ABLIM1: variants seen among roughly 807,000 people sequenced by gnomAD.
The protein encoded by ABLIM1 is actin-binding LIM protein 1.
Under a neutral mutation model 107.0 loss-of-function variants are expected in ABLIM1, and 40 were observed. The ratio of observed to expected loss-of-function variants is 0.37; its 90% CI spans 0.29 to 0.49. ABLIM1 has a LOEUF of 0.49. Among genes scored for constraint, ABLIM1 ranks in the 20% least tolerant of loss-of-function variants. The pLI is 0.97. For synonymous variants in ABLIM1, 357 were observed against 357.3 expected, an observed-to-expected ratio of 1.00 and a Z score of 0.01; for missense variants, 857 against 1,008.5, an observed-to-expected ratio of 0.85 and a Z score of 2.04.
At chr10:114,692,468 C>A (rs1185597566) in intron 1 of ABLIM1, among the ~76,000 whole-genome samples, 1 of 152,318 alleles carries the variant, frequency 6.6e-6, no homozygotes, top group East Asian at 1.9e-4. Flanking sequence ...CAAACAAAAC[C>A]TTTCTACTCT....
At chr10:114,711,528 T>C (rs2081547121) in intron 1 of ABLIM1, among the ~76,000 whole-genome samples, 1 of 152,180 alleles carries the variant, frequency 6.6e-6, no homozygotes. Flanking sequence ...GCCAGAGTCT[T>C]GGCAGGTGAC....
At chr10:114,512,826 TAGAAGGAA>T (rs1287768424) in intron 6 of ABLIM1, among the ~76,000 whole-genome samples, 1 of 67,900 alleles carries the variant, frequency 1.5e-5, no homozygotes, top group East Asian at 3.4e-4. Flanking sequence ...CTCCATCAGA[TAGAAGGAA>T]GGAAGGAAGG....
chr10:114,669,359 C>A (rs2080157586), intron 1 of ABLIM1, among the ~76,000 whole-genome samples: 2 of 152,194 alleles, frequency 1.3e-5, no homozygotes. Flanking sequence ...AGGCTTCCAG[C>A]CATCCTTGGA....
intron 2 of ABLIM1, among the ~76,000 whole-genome samples, chr10:114,584,788 TGA>T (rs1310367058): frequency 7.2e-5 from 11 of 152,196 alleles, no homozygotes; most frequent in Admixed American, 3.9e-4. Flanking sequence ...GCCAGGCATT[TGA>T]GAGTTTGTAT....
At chr10:114,603,637 T>TAA (rs869124405) in intron 1 of ABLIM1, among the ~76,000 whole-genome samples, 3 of 139,496 alleles carry the variant, frequency 2.2e-5, no homozygotes, top group African/African-American at 2.7e-5. Context: ...CCTTGCACAT[T>TAA]AAAAAAAAAA....
At chr10:114,527,185 G>A (rs1247952430) in intron 6 of ABLIM1, among the ~76,000 whole-genome samples, 1 of 152,118 alleles carries the variant, frequency 6.6e-6, no homozygotes, top group Admixed American at 6.6e-5. Context: ...GCCTAGCTGA[G>A]CACAGCCATC....
rs149246892 is a variant in ABLIM1 at position 114,529,461 on chromosome 10, G to A, written c.894+15544C>T. Among the ~76,000 whole-genome samples, 38 of 152,240 alleles carry A rather than the reference G, an allele frequency of 2.5e-4. 1 individual carries two copies. The highest frequency in any genetic ancestry group is 7.5e-4 in the African/African-American group (31 of 41,560). On this transcript the variant is annotated intron_variant, in intron 6 of 22. Coordinates refer to ENST00000533213, the MANE Select transcript of ABLIM1 (RefSeq NM_002313.7). Reference sequence around the variant, plus strand: ...CTACTCTCCTATATTTGGATGATCAGTTTCTCTTTTTGGATTTTATTTATT... The same window carrying A: ...CTACTCTCCTATATTTGGATGATCAATTTCTCTTTTTGGATTTTATTTATT...
intron 2 of ABLIM1, among the ~76,000 whole-genome samples, chr10:114,583,480 T>C (rs1275991131): frequency 1.8e-4 from 3 of 16,372 alleles, no homozygotes; most frequent in Admixed American, 6.6e-4. Flanking sequence ...TATATATATA[T>C]ATATATATAT....
At chr10:114,461,910 G>T (rs372234335) in intron 12 of ABLIM1, among the ~76,000 whole-genome samples, 2 of 152,256 alleles carry the variant, frequency 1.3e-5, no homozygotes, top group East Asian at 3.9e-4. Context: ...TTTGCTAATG[G>T]CAAATGGCAC....
rs181665012 is a variant in ABLIM1, at chr10:114,702,075, T to C, written c.-213+65986A>G. The stretch of plus-strand genomic sequence containing the variant: ...TGTACACTGAATTTTAACTATGCAT[T>C]ACAGCAACATGACAAGATGTTTAGA... On this transcript the variant is annotated intron_variant, in intron 1 of 15. Coordinates refer to the ABLIM1 transcript ENST00000651092. Among the ~76,000 whole-genome samples, 7 of 152,314 alleles carry C rather than the reference T, an allele frequency of 4.6e-5. No individual in the cohort carries two copies. The East Asian group carries it at 1.3e-3, about 29-fold the overall frequency.
chr10:114,491,004 G>GTATATATATATATATATA (rs1397165080), intron 7 of ABLIM1, among the ~76,000 whole-genome samples: 2 of 79,658 alleles, frequency 2.5e-5, no homozygotes, highest in Admixed American at 1.3e-4. Context: ...GTGTGTGTGT[G>GTATATATATATATATATA]TGTGTGTGTA....
At chr10:114,491,949 A>T (rs2059058188) in intron 6 of ABLIM1, 71 bp from the exon 7 acceptor site, 3 of 1,256,054 alleles carry the variant, frequency 2.4e-6, no homozygotes, top group Non-Finnish European at 3.4e-6. Context: ...TCTGGACTTG[A>T]TGATTTAGAA....
chr10:114,780,261 G>A, the ABLIM1 span, among the ~76,000 whole-genome samples: 2 of 152,174 alleles, frequency 1.3e-5, no homozygotes, highest in South Asian at 2.1e-4. Flanking sequence ...CAAGAGGAAG[G>A]TGAAACTTTC....
intron 1 of ABLIM1, among the ~76,000 whole-genome samples, chr10:114,610,468 C>A (rs535568050): frequency 1.2e-4 from 19 of 152,282 alleles, no homozygotes; most frequent in Admixed American, 2.6e-4. Flanking sequence ...CTGCTTCTAC[C>A]CCATTGGTTC....
At chr10:114,798,558 C>G in the ABLIM1 span, among the ~76,000 whole-genome samples, 1 of 135,522 alleles carries the variant, frequency 7.4e-6, no homozygotes, top group Non-Finnish European at 1.6e-5. Flanking sequence ...ATGATGAGAC[C>G]CCCCCCCCAT....
intron 1 of ABLIM1, among the ~76,000 whole-genome samples, chr10:114,743,886 G>A (rs2082332982): frequency 6.6e-6 from 1 of 152,192 alleles, no homozygotes; most frequent in Admixed American, 6.5e-5. Context: ...GCTGCCTTCT[G>A]GAGGGACTTT....
chr10:114,621,983 C>T (rs1011371575), intron 1 of ABLIM1, among the ~76,000 whole-genome samples: 1 of 152,220 alleles, frequency 6.6e-6, no homozygotes, highest in African/African-American at 2.4e-5. Context: ...ACTGGGCTCT[C>T]GTCCTGCGGA....
chr10:114,760,712 A>G (rs769554766), intron 1 of ABLIM1, among the ~76,000 whole-genome samples: 2 of 152,232 alleles, frequency 1.3e-5, no homozygotes, highest in Non-Finnish European at 2.9e-5. Flanking sequence ...AAAACAAAAC[A>G]TAATGCAGTT....
chr10:114,489,516 A>G (rs1244819883), intron 7 of ABLIM1, among the ~76,000 whole-genome samples: 1 of 152,208 alleles, frequency 6.6e-6, no homozygotes, highest in African/African-American at 2.4e-5. Context: ...GGGCCAAAAT[A>G]AACAAACAAA....
Sources: allele counts gnomAD v4.1 joint callset (sites outside exome capture counted in the v4.1 genomes callset), GRCh38; gene constraint gnomAD v4.1.1; transcripts MANE v1.5; gene names NCBI Gene and HGNC (gene_info 2026-07-23, HGNC 2026-07-21).